The following ORC2 variants were observed in gnomAD, a reference collection of about 807,000 sequenced individuals.
ORC2 encodes origin recognition complex subunit 2.
ORC2 carries 37 observed loss-of-function variants against 77.7 expected under a neutral mutation model. The observed-to-expected ratio is 0.48, with a 90% CI of 0.37 to 0.63. ORC2 has a LOEUF of 0.63. Ranked by LOEUF, ORC2 falls within the 20% of genes least tolerant of loss-of-function variation. The pLI is 0.00. For missense variants in ORC2, 557 were observed against 661.9 expected, an observed-to-expected ratio of 0.84 and a Z score of 1.74; for synonymous variants, 201 against 229.5, an observed-to-expected ratio of 0.88 and a Z score of 1.12.
chr2:200,934,767 G>A (rs188632732), intron 9 of ORC2, among the ~76,000 whole-genome samples: 3 of 152,140 alleles, frequency 2.0e-5, no homozygotes, highest in Admixed American at 1.3e-4. Context: ...CCAGTCAAGC[G>A]GAATTTTCTT....
At chr2:200,933,226 ATTTT>A (rs1196387811) in intron 10 of ORC2, among the ~76,000 whole-genome samples, 2 of 132,112 alleles carry the variant, frequency 1.5e-5, no homozygotes, top group Non-Finnish European at 1.6e-5. Context: ...ACTGTATGGT[ATTTT>A]TTTTTTTTTT....
rs184764224 is a variant in ORC2, at chr2:200,923,898, T to A, written c.1147+1938A>T. ...AATATGTACATTGGGCAATGCAAAC[T>A]TTTTGCCACTCTGTGCCATGTTTCA... is the stretch of plus-strand genomic sequence containing the variant. On this transcript the variant is annotated intron_variant, in intron 13 of 17. Coordinates refer to ENST00000234296, the MANE Select transcript of ORC2 (RefSeq NM_006190.5). Among the ~76,000 whole-genome samples, 3 of 152,344 alleles carry A rather than the reference T, an allele frequency of 2.0e-5. No homozygotes were observed. In the South Asian group the frequency reaches 6.2e-4, roughly 32 times the overall value.
intron 17 of ORC2, 85 bp from the exon 18 acceptor site, chr2:200,911,472 A>G: frequency 1.4e-6 from 1 of 710,198 alleles, no homozygotes. Flanking sequence ...GAAAAAATGA[A>G]TTTATTTCTT....
intron 7 of ORC2, among the ~76,000 whole-genome samples, chr2:200,939,161 T>A (rs1203396744): frequency 6.6e-6 from 1 of 152,190 alleles, no homozygotes; most frequent in African/African-American, 2.4e-5. Flanking sequence ...TTTTGTCATC[T>A]TGACCCAGTA....
At chr2:200,925,244 T>C (rs2040822845) in intron 13 of ORC2, among the ~76,000 whole-genome samples, 1 of 152,014 alleles carries the variant, frequency 6.6e-6, no homozygotes, top group Admixed American at 6.6e-5. Flanking sequence ...GGAGAATTGC[T>C]TGAACCCGGG....
In ORC2 at chr2:200,920,235, T is replaced by G. The variant is rs142193692; in HGVS notation, c.1453A>C (p.Thr485Pro). The G allele has an allele frequency of 3.5e-5, 56 of 1,611,896 alleles. No homozygotes were observed. The highest frequency in any genetic ancestry group is 4.6e-5 in the Non-Finnish European group (54 of 1,179,104). ...SSLTHVLRSL[T>P]PNARGIFRLL... The stretch of plus-strand genomic sequence containing the variant: ...TTTCATCCTTACCTTGCATTAGGGG[T>G]AAGGCTTCGTAAGACATGAGTAAGG... The change falls in exon 15 of 18, where the codon ACC (threonine) becomes CCC (proline). Residue 485 changes from threonine (T) to proline (P), a missense_variant. By Grantham distance (38) the Thr-to-Pro change is conservative. Transcript: ENST00000234296.
intron 1 of ORC2, among the ~76,000 whole-genome samples, chr2:200,959,858 A>G (rs2041538801): frequency 6.6e-6 from 1 of 151,892 alleles, no homozygotes; most frequent in African/African-American, 2.4e-5. Flanking sequence ...TGAGGCCAGG[A>G]GTTGAAGACA....
At chr2:200,955,249 A>G (rs1381919776) in intron 4 of ORC2, among the ~76,000 whole-genome samples, 1 of 152,190 alleles carries the variant, frequency 6.6e-6, no homozygotes, top group Admixed American at 6.5e-5. Context: ...GGAGTCAAGA[A>G]CACCAAGTTT....
chr2:200,927,340 C>G (rs1325676146), intron 11 of ORC2, among the ~76,000 whole-genome samples: 1 of 151,780 alleles, frequency 6.6e-6, no homozygotes, highest in Non-Finnish European at 1.5e-5. Flanking sequence ...CACCTTGGCC[C>G]CCAAAATTGC....
chr2:200,947,308 T>G (rs1362267618), intron 5 of ORC2, among the ~76,000 whole-genome samples: 1 of 152,278 alleles, frequency 6.6e-6, no homozygotes, highest in Non-Finnish European at 1.5e-5. Flanking sequence ...ATGTATTTAA[T>G]GTTACACATT....
intron 14 of ORC2, 116 bp downstream of exon 14, chr2:200,920,877 C>A: frequency 1.6e-6 from 1 of 622,130 alleles, no homozygotes; most frequent in Non-Finnish European, 2.4e-6. Context: ...TGTTTTTAAA[C>A]ATGTAAAAGG....
chr2:200,959,232 C>G (rs1414219562), intron 2 of ORC2, among the ~76,000 whole-genome samples, 160 bp downstream of exon 2: 1 of 152,168 alleles, frequency 6.6e-6, no homozygotes, highest in East Asian at 1.9e-4. Flanking sequence ...ATTTTCCCAC[C>G]TCACCCTCCC....
Position 200,909,359 on chromosome 2 carries a change from T to A in ORC2, c.*1942A>T, listed in dbSNP as rs550500682. On this transcript the variant is annotated 3_prime_UTR_variant, in exon 18 of 18. Transcript: ENST00000234296. ...TTTGGTACTATTAAAAAAATTTTTT[T>A]AAATCACATTTATGTACAAATTTGT... The A allele has an allele frequency of 5.3e-5, 8 of 152,326 alleles. No individual in the cohort carries two copies. Among genetic ancestry groups the A allele is most frequent in the East Asian group, 3.9e-4 (2 of 5,180 alleles). The allele number at this position is 152,326 out of a possible 1,614,324, so 9.4% of individuals were successfully genotyped here.
intron 15 of ORC2, among the ~76,000 whole-genome samples, chr2:200,918,340 G>T (rs2040694679): frequency 6.6e-6 from 1 of 152,094 alleles, no homozygotes; most frequent in Admixed American, 6.5e-5. Context: ...TGTCTATTAT[G>T]CTGTGTGTTT....
At position 200,935,904 on chromosome 2, in the gene ORC2, A is replaced by G. The variant is rs377576922; in HGVS notation, c.515-12T>C. Reference sequence around the variant, plus strand: ...ATGAGACCTTGGAACTGTGGGGGGAAAAATAGCAATTTGGACAATTTCATG... The same window carrying G: ...ATGAGACCTTGGAACTGTGGGGGGAGAAATAGCAATTTGGACAATTTCATG... On this transcript the variant is annotated splice_polypyrimidine_tract_variant and intron_variant, in intron 8 of 17. Coordinates refer to ENST00000234296, the MANE Select transcript of ORC2 (RefSeq NM_006190.5). 2.5e-6 allele frequency: 4 copies of G among 1,607,360 alleles called. No homozygotes were observed. In the African/African-American group the frequency reaches 4.0e-5, roughly 16 times the overall value.
At chr2:200,957,366 G>A (rs373208783) in intron 4 of ORC2, 35 bp downstream of exon 4, 1 of 1,497,844 alleles carries the variant, frequency 6.7e-7, no homozygotes, top group Non-Finnish European at 9.0e-7. Context: ...TCTGCTACTA[G>A]CAGAAACGAG....
chr2:200,917,349 T>C (rs1191995954), intron 15 of ORC2, among the ~76,000 whole-genome samples: 1 of 151,986 alleles, frequency 6.6e-6, no homozygotes, highest in Non-Finnish European at 1.5e-5. Flanking sequence ...AGAGATGGGG[T>C]CTACGTTGCC....
At chr2:200,948,519 T>A (rs1207692166) in intron 5 of ORC2, among the ~76,000 whole-genome samples, 1 of 152,210 alleles carries the variant, frequency 6.6e-6, no homozygotes, top group African/African-American at 2.4e-5. Flanking sequence ...TTTTCTGTAA[T>A]ATAAACAACA....
In ORC2 at chr2:200,912,056, G is replaced by A. The variant is rs2040559651; in HGVS notation, c.1648-669C>T. Reference sequence around the variant, plus strand: ...AAAACATGCTTCTCTTGGCTTCTGTGACATCACATCCTGGTTTTCTTCCTA... The same window carrying A: ...AAAACATGCTTCTCTTGGCTTCTGTAACATCACATCCTGGTTTTCTTCCTA... On this transcript the variant is annotated intron_variant, in intron 17 of 17. Coordinates refer to ENST00000234296, the MANE Select transcript of ORC2 (RefSeq NM_006190.5). Among the ~76,000 whole-genome samples, 3 of 152,212 alleles carry A rather than the reference G, an allele frequency of 2.0e-5. No homozygotes were observed. In the South Asian group the frequency reaches 6.2e-4, roughly 32 times the overall value.
Sources: allele counts gnomAD v4.1 joint callset (sites outside exome capture counted in the v4.1 genomes callset), GRCh38; gene constraint gnomAD v4.1.1; transcripts MANE v1.5; gene names NCBI Gene and HGNC (gene_info 2026-07-23, HGNC 2026-07-21).